Variants in ALPK2 observed in about 807,000 individuals in gnomAD.
ALPK2 encodes the protein alpha kinase 2.
ALPK2 carries 127 observed loss-of-function variants against 163.1 expected under a neutral mutation model. The ratio of observed to expected loss-of-function variants is 0.78; its 90% CI spans 0.67 to 0.90. ALPK2 has a LOEUF of 0.90. Ranked by LOEUF, ALPK2 falls within the 40% of genes least tolerant of loss-of-function variation. The probability of loss-of-function intolerance (pLI) is 0.00; values close to 1 mark genes in which losing one functional copy is unlikely to be tolerated. For missense variants in ALPK2, 2,360 were observed against 2,589.6 expected (o/e 0.91, Z 1.92); for synonymous variants, 953 against 959.1 (o/e 0.99, Z 0.12).
At chr18:58,494,881 C>T (rs11663015) in intron 12 of ALPK2, among the ~76,000 whole-genome samples, 103,720 of 152,118 alleles carry the variant, frequency 0.68, 35,729 homozygotes, top group Admixed American at 0.73. Context: ...CCAAGTCTGT[C>T]CTCATGAGTT....
chr18:58,545,928 G>A (rs1375701622), intron 4 of ALPK2, among the ~76,000 whole-genome samples: 1 of 152,158 alleles, frequency 6.6e-6, no homozygotes, highest in Non-Finnish European at 1.5e-5. Context: ...AACAGGCAGA[G>A]CGTCATTCGG....
intron 4 of ALPK2, among the ~76,000 whole-genome samples, chr18:58,571,233 G>T (rs922162166): frequency 2.6e-5 from 4 of 151,918 alleles, no homozygotes; most frequent in African/African-American, 9.7e-5. Flanking sequence ...TGTTGGCCAG[G>T]CTGGTCTTGA....
intron 3 of ALPK2, among the ~76,000 whole-genome samples, chr18:58,595,961 G>T (rs893798907): frequency 6.6e-6 from 1 of 152,082 alleles, no homozygotes; most frequent in Admixed American, 6.5e-5. Context: ...TGACTCCAAC[G>T]TTTCCATCAA....
chr18:58,586,425 C>T (rs1194514920), intron 3 of ALPK2, among the ~76,000 whole-genome samples: 1 of 152,186 alleles, frequency 6.6e-6, no homozygotes, highest in African/African-American at 2.4e-5. Context: ...TAAAGGCAAT[C>T]TGGGGAGCCT....
At chr18:58,493,643 T>C (rs1049513045) in intron 12 of ALPK2, among the ~76,000 whole-genome samples, 4 of 152,120 alleles carry the variant, frequency 2.6e-5, no homozygotes, top group African/African-American at 7.2e-5. Context: ...GAGCCTGCTT[T>C]CTCAAGGCAA....
Position 58,524,082 on chromosome 18 carries a change from C to T in ALPK2, c.5502-20G>A. The T allele has an allele frequency of 6.3e-7, 1 of 1,598,806 alleles. No individual in the cohort carries two copies. The highest frequency in any genetic ancestry group is 8.5e-7 in the Non-Finnish European group (1 of 1,169,734). ...CCTGCACTGCAATGAGGAATATTCACATTGACACACTTCATCATTCTACAG... is the reference window on the plus strand; with the variant it reads ...CCTGCACTGCAATGAGGAATATTCATATTGACACACTTCATCATTCTACAG... On this transcript the variant is annotated intron_variant, in intron 6 of 12. Transcript: ENST00000361673.
At chr18:58,503,900 C>A in intron 11 of ALPK2, 31 bp downstream of exon 11, 1 of 1,589,818 alleles carries the variant, frequency 6.3e-7, no homozygotes, top group Non-Finnish European at 8.6e-7. Flanking sequence ...CCACAGCATC[C>A]CTGGAGCCTG....
intron 12 of ALPK2, among the ~76,000 whole-genome samples, chr18:58,487,593 C>T (rs1157324957): frequency 1.3e-5 from 2 of 152,284 alleles, no homozygotes; most frequent in East Asian, 1.9e-4. Context: ...AAAATCTTAA[C>T]TCTATAGAAT....
chr18:58,557,664 A>G (rs1212079819), intron 4 of ALPK2, among the ~76,000 whole-genome samples: 18 of 98,062 alleles, frequency 1.8e-4, no homozygotes, highest in African/African-American at 6.9e-4. Flanking sequence ...ATACACATAT[A>G]TATACGTGTG....
chr18:58,486,310 T>TTC (rs2051338695), intron 12 of ALPK2, among the ~76,000 whole-genome samples: 1 of 151,690 alleles, frequency 6.6e-6, no homozygotes, highest in Admixed American at 6.6e-5. Context: ...TCTCAGCCCT[T>TTC]AGCTACCTTC....
chr18:58,487,847 C>T (rs1275114758), intron 12 of ALPK2, among the ~76,000 whole-genome samples: 2 of 146,794 alleles, frequency 1.4e-5, no homozygotes, highest in Non-Finnish European at 3.0e-5. Flanking sequence ...CATAACGAGA[C>T]CCTATCTCTA....
In ALPK2 at chr18:58,481,329, C is replaced by G. The variant is rs1450066421; in HGVS notation, c.*494G>C. ...GGGAAATGGCTTCACGTCACAGAACCCACCTCCGGCAACAATAGCGTATTA... is the reference window on the plus strand; with the variant it reads ...GGGAAATGGCTTCACGTCACAGAACGCACCTCCGGCAACAATAGCGTATTA... On this transcript the variant is annotated 3_prime_UTR_variant, in exon 13 of 13. Transcript: ENST00000361673. 6.3e-6 allele frequency: 1 copy of G among 159,008 alleles called. No homozygotes were observed. The highest frequency in any genetic ancestry group is 1.4e-5 in the Non-Finnish European group (1 of 72,158). The allele number at this position is 159,008 out of a possible 1,614,324, so 9.8% of individuals were successfully genotyped here.
At chr18:58,542,473 C>A (rs2144154229) in intron 4 of ALPK2, among the ~76,000 whole-genome samples, 1 of 152,330 alleles carries the variant, frequency 6.6e-6, no homozygotes, top group Non-Finnish European at 1.5e-5. Context: ...ATGTTATCAT[C>A]TCTTCTTTAC....
intron 2 of ALPK2, among the ~76,000 whole-genome samples, chr18:58,610,011 G>C (rs1428224547): frequency 6.6e-6 from 1 of 152,144 alleles, no homozygotes; most frequent in Non-Finnish European, 1.5e-5. Flanking sequence ...ACTTCTGCTA[G>C]CGAAAGGCAG....
intron 3 of ALPK2, among the ~76,000 whole-genome samples, chr18:58,596,195 G>C (rs1264205437): frequency 6.6e-6 from 1 of 152,224 alleles, no homozygotes; most frequent in Non-Finnish European, 1.5e-5. Context: ...AGCAGGCTCA[G>C]AGACCTGTAG....
chr18:58,555,710 A>C (rs1442038800), intron 4 of ALPK2, among the ~76,000 whole-genome samples: 1 of 152,114 alleles, frequency 6.6e-6, no homozygotes, highest in African/African-American at 2.4e-5. Context: ...AAGAACCCCA[A>C]CCATTTCAGT....
At chr18:58,487,819 C>G (rs1156866559) in intron 12 of ALPK2, among the ~76,000 whole-genome samples, 4 of 152,154 alleles carry the variant, frequency 2.6e-5, no homozygotes, top group Admixed American at 2.6e-4. Context: ...CCCAGGAATA[C>G]AAGACCAGCC....
chr18:58,602,403 T>C (rs1250598984), intron 3 of ALPK2, among the ~76,000 whole-genome samples: 1 of 152,188 alleles, frequency 6.6e-6, no homozygotes, highest in Non-Finnish European at 1.5e-5. Flanking sequence ...GTCCAAAATG[T>C]CTAAAATCAA....
chr18:58,590,283 A>G (rs932923079), intron 3 of ALPK2, among the ~76,000 whole-genome samples: 4 of 151,710 alleles, frequency 2.6e-5, no homozygotes, highest in Admixed American at 6.6e-5. Context: ...TACAACCACT[A>G]TCTTGCACCA....
Sources: allele counts gnomAD v4.1 joint callset (sites outside exome capture counted in the v4.1 genomes callset), GRCh38; gene constraint gnomAD v4.1.1; transcripts MANE v1.5; gene names NCBI Gene and HGNC (gene_info 2026-07-23, HGNC 2026-07-21).